FAM81A: variants seen among roughly 807,000 people sequenced by gnomAD.
FAM81A encodes the protein family with sequence similarity 81 member A, also known as protein FAM81A.
In FAM81A, 19 loss-of-function variants were observed where a neutral mutation model predicts 46.7. The ratio of observed to expected loss-of-function variants is 0.41; its 90% CI spans 0.28 to 0.60. The LOEUF is 0.60. FAM81A is among the 20% of genes least tolerant of loss of function. The pLI is 0.34. For missense variants in FAM81A, 377 were observed against 453.5 expected (o/e 0.83, Z 1.53); for synonymous variants, 183 against 152.9 (o/e 1.20, Z -1.45).
intron 6 of FAM81A, among the ~76,000 whole-genome samples, chr15:59,513,252 C>T (rs1368214667): frequency 2.0e-5 from 3 of 151,894 alleles, no homozygotes; most frequent in Non-Finnish European, 4.4e-5. Flanking sequence ...AGGAAATATC[C>T]ATAGAGGACA....
chr15:59,491,249 T>G (rs2081977686), intron 3 of FAM81A, among the ~76,000 whole-genome samples: 1 of 152,238 alleles, frequency 6.6e-6, no homozygotes, highest in African/African-American at 2.4e-5. Flanking sequence ...AATGAGGTTC[T>G]GTCATTTGCA....
chr15:59,520,174 G>A (rs1460193259), intron 8 of FAM81A, among the ~76,000 whole-genome samples: 1 of 151,438 alleles, frequency 6.6e-6, no homozygotes, highest in Non-Finnish European at 1.5e-5. Flanking sequence ...TTCTTTCAGT[G>A]TGGCCCAAGG....
intron 3 of FAM81A, among the ~76,000 whole-genome samples, chr15:59,464,425 A>C (rs1238270355): frequency 3.3e-5 from 5 of 152,240 alleles, no homozygotes; most frequent in Non-Finnish European, 5.9e-5. Context: ...ACTAGTTTAC[A>C]TTCCCGCCAA....
In FAM81A at chr15:59,460,311, T is replaced by G. The variant is rs74764836; in HGVS notation, c.294+105T>G. ...CCTACCTCCCAGGCAGTACTGCATT[T>G]AGAACAAAGCTGTCTGTCTTGTCTA... On this transcript the variant is annotated intron_variant, in intron 3 of 8. Transcript: ENST00000288228. This position sits in a 1 kb window ranked among gnomAD's most constrained non-coding sequence, Gnocchi z 4.4. 27 of 1,422,134 alleles carry G rather than the reference T, an allele frequency of 1.9e-5. No individual in the cohort carries two copies. The highest frequency in any genetic ancestry group is 2.7e-5 in the Non-Finnish European group (27 of 1,010,124). 88.1% of individuals were successfully genotyped at this position (1,422,134 alleles called of 1,614,324 possible).
chr15:59,496,248 C>T (rs186759191), intron 4 of FAM81A, among the ~76,000 whole-genome samples: 2 of 152,238 alleles, frequency 1.3e-5, no homozygotes, highest in East Asian at 1.9e-4. Flanking sequence ...ATCTATTTAT[C>T]CCAGCATAAT....
intron 2 of FAM81A, among the ~76,000 whole-genome samples, chr15:59,425,673 T>C (rs2081191807): frequency 6.6e-6 from 1 of 152,254 alleles, no homozygotes; most frequent in South Asian, 2.1e-4. Context: ...TTGCTTATAC[T>C]GGAGTACAGT....
intron 1 of FAM81A, among the ~76,000 whole-genome samples, chr15:59,441,019 C>A (rs1200377017): frequency 6.6e-6 from 1 of 152,204 alleles, no homozygotes; most frequent in Non-Finnish European, 1.5e-5. Flanking sequence ...TTACCTTCCT[C>A]AAGGCCCCCA....
chr15:59,422,842 A>T lies in FAM81A; in HGVS notation c.-78+20484A>T, dbSNP rs372547451. Among the ~76,000 whole-genome samples, 6 of 152,340 alleles carry T rather than the reference A, an allele frequency of 3.9e-5. No homozygotes were observed. In the East Asian group the frequency reaches 1.2e-3, roughly 29 times the overall value. On this transcript the variant is annotated intron_variant, in intron 2 of 4. Coordinates refer to the FAM81A transcript ENST00000558348. ...AATCTGCATGAAAGTAAAGTTAAAG[A>T]TTCCTTGAGTGGTTCATAAGAAATT...
chr15:59,426,619 A>G (rs2081196040), intron 2 of FAM81A, among the ~76,000 whole-genome samples: 1 of 152,198 alleles, frequency 6.6e-6, no homozygotes. Context: ...TCTCAAAAAC[A>G]CCCAAACAAA....
At chr15:59,472,320 A>G (rs2081704135) in intron 3 of FAM81A, among the ~76,000 whole-genome samples, 1 of 152,126 alleles carries the variant, frequency 6.6e-6, no homozygotes, top group African/African-American at 2.4e-5. Context: ...CATGGGTAAC[A>G]GAGGGAGATG....
intron 1 of FAM81A, among the ~76,000 whole-genome samples, chr15:59,450,273 G>T (rs1236410215): frequency 6.6e-6 from 1 of 151,908 alleles, no homozygotes; most frequent in Admixed American, 6.6e-5. Flanking sequence ...TTCATTGCAT[G>T]AATATATCAT....
At chr15:59,469,297 A>G (rs1185318727) in intron 3 of FAM81A, among the ~76,000 whole-genome samples, 2 of 152,056 alleles carry the variant, frequency 1.3e-5, no homozygotes. Flanking sequence ...TCTGTCTAAT[A>G]TTGACAGTGG....
chr15:59,449,639 G>C (rs924788379), intron 1 of FAM81A, among the ~76,000 whole-genome samples: 14 of 151,992 alleles, frequency 9.2e-5, no homozygotes, highest in Admixed American at 7.9e-4. Context: ...AAAATTAGCC[G>C]GGCGTGGTGG....
chr15:59,479,683 A>G (rs1029942027), intron 3 of FAM81A, among the ~76,000 whole-genome samples: 17 of 152,112 alleles, frequency 1.1e-4, no homozygotes, highest in Admixed American at 2.0e-4. Flanking sequence ...CCAAGGCCAT[A>G]AGTAGGAAGA....
chr15:59,424,132 C>A (rs528590629), intron 2 of FAM81A, among the ~76,000 whole-genome samples: 1 of 152,222 alleles, frequency 6.6e-6, no homozygotes, highest in African/African-American at 2.4e-5. Context: ...TCCTTGTTGC[C>A]ACGTTCATCA....
At chr15:59,500,809 G>A (rs574434250) in intron 4 of FAM81A, among the ~76,000 whole-genome samples, 5 of 151,502 alleles carry the variant, frequency 3.3e-5, no homozygotes, top group African/African-American at 1.2e-4. Flanking sequence ...TCAATTTTTT[G>A]TTCCAGTATT....
intron 3 of FAM81A, among the ~76,000 whole-genome samples, chr15:59,472,967 G>A (rs2081716247): frequency 6.6e-6 from 1 of 152,154 alleles, no homozygotes; most frequent in Non-Finnish European, 1.5e-5. Flanking sequence ...TAAAAACTAA[G>A]CAACCCTAAG....
chr15:59,484,036 C>T (rs1312389292), intron 3 of FAM81A, among the ~76,000 whole-genome samples: 1 of 152,190 alleles, frequency 6.6e-6, no homozygotes, highest in East Asian at 1.9e-4. Flanking sequence ...ACCACCCGTC[C>T]ACAAGCCCCT....
chr15:59,471,927 G>T (rs755708965), intron 3 of FAM81A, among the ~76,000 whole-genome samples: 1 of 152,132 alleles, frequency 6.6e-6, no homozygotes, highest in Non-Finnish European at 1.5e-5. Flanking sequence ...TTCTTATGAT[G>T]GTTAAAGAAA....
Sources: gnomAD v4.1 joint callset for allele counts (sites outside exome capture counted in the v4.1 genomes callset) on GRCh38, gnomAD v4.1.1 for gene constraint, Gnocchi (gnomAD v3.1) non-coding constraint, MANE v1.5 for transcripts, NCBI Gene and HGNC (gene_info 2026-07-23, HGNC 2026-07-21) for gene names.